The following PLA2G4A variants were observed in gnomAD, a reference collection of about 807,000 sequenced individuals.
PLA2G4A encodes the protein cytosolic phospholipase A2.
PLA2G4A carries 40 observed loss-of-function variants against 81.9 expected under a neutral mutation model. That is an observed-to-expected ratio of 0.49 (90% CI 0.38 to 0.64). PLA2G4A has a LOEUF of 0.64. PLA2G4A is among the 30% of genes least tolerant of loss of function. The pLI, the probability that PLA2G4A is intolerant of heterozygous loss-of-function variation, is 0.00. For synonymous variants in PLA2G4A, 302 were observed against 296.9 expected (o/e 1.02, Z -0.18); for missense variants, 715 against 905.1 (o/e 0.79, Z 2.69).
intron 2 of PLA2G4A, among the ~76,000 whole-genome samples, chr1:186,862,213 T>C (rs922161514): frequency 4.5e-5 from 6 of 134,674 alleles, no homozygotes; most frequent in Non-Finnish European, 6.3e-5. Flanking sequence ...CTGTCTCTTT[T>C]AGTTATGAAC....
At chr1:186,864,049 G>A (rs556623586) in intron 2 of PLA2G4A, among the ~76,000 whole-genome samples, 2 of 152,056 alleles carry the variant, frequency 1.3e-5, no homozygotes, top group South Asian at 4.1e-4. Flanking sequence ...TAAGGCATGA[G>A]CCACCACTCC....
In PLA2G4A at chr1:186,837,651, G is replaced by C. The variant is rs538275575; in HGVS notation, c.-70+8616G>C. 4.5e-3 allele frequency among the ~76,000 whole-genome samples: 655 copies of C among 145,596 alleles called. 1 individual carries two copies. Among genetic ancestry groups the C allele is most frequent in the African/African-American group, 0.016 (629 of 39,206 alleles). On this transcript the variant is annotated intron_variant, in intron 1 of 17. Coordinates refer to ENST00000367466, the MANE Select transcript of PLA2G4A (RefSeq NM_024420.3). Reference sequence around the variant, plus strand: ...ACTTGGAAGGCTGAGGCAGGAGAATGGCGTGAACCCAGGAGGCGGAGCTTG... The same window carrying C: ...ACTTGGAAGGCTGAGGCAGGAGAATCGCGTGAACCCAGGAGGCGGAGCTTG...
intron 2 of PLA2G4A, among the ~76,000 whole-genome samples, chr1:186,864,055 A>G (rs1177042205): frequency 1.3e-5 from 2 of 151,600 alleles, no homozygotes; most frequent in Non-Finnish European, 2.9e-5. Flanking sequence ...ATGAGCCACC[A>G]CTCCTGACCG....
chr1:186,858,614 C>T (rs1416430935), intron 2 of PLA2G4A, among the ~76,000 whole-genome samples: 2 of 152,074 alleles, frequency 1.3e-5, no homozygotes, highest in Non-Finnish European at 2.9e-5. Flanking sequence ...AATCAAACTT[C>T]ATCTGGACAT....
At chr1:186,855,209 G>A (rs923587880) in intron 2 of PLA2G4A, among the ~76,000 whole-genome samples, 1 of 151,812 alleles carries the variant, frequency 6.6e-6, no homozygotes, top group South Asian at 2.1e-4. Flanking sequence ...TCACAAAAAG[G>A]TCTAATTAAT....
At chr1:186,937,042 A>AT (rs967395561) in intron 8 of PLA2G4A, among the ~76,000 whole-genome samples, 31 of 145,606 alleles carry the variant, frequency 2.1e-4, no homozygotes, top group African/African-American at 7.9e-4. Context: ...TTTTTTTTTT[A>AT]TTTTTTGAGA....
At chr1:186,877,233 C>T (rs1204698817) in intron 3 of PLA2G4A, among the ~76,000 whole-genome samples, 3 of 152,038 alleles carry the variant, frequency 2.0e-5, no homozygotes, top group African/African-American at 7.2e-5. Flanking sequence ...ATTACTTCTC[C>T]TGTCTCTGCC....
chr1:186,843,524 C>A (rs1652062019), intron 1 of PLA2G4A, among the ~76,000 whole-genome samples: 1 of 152,096 alleles, frequency 6.6e-6, no homozygotes, highest in South Asian at 2.1e-4. Flanking sequence ...CTGCTCACAG[C>A]TATGGAAGAC....
In PLA2G4A at chr1:186,939,261, A is replaced by G. The variant is rs12720597; in HGVS notation, c.918+31A>G. On this transcript the variant is annotated intron_variant, in intron 9 of 17. Transcript: ENST00000367466. ...TTACAGTTCAATCTACACTGCTTTT[A>G]TAACAAGTAGACAGAACATATTATA... The G allele has an allele frequency of 5.6e-3, 5,302 of 947,026 alleles. 25 individuals are homozygous for G. The highest frequency in any genetic ancestry group is 7.5e-3 in the Non-Finnish European group (4,299 of 572,816). 58.7% of individuals were successfully genotyped at this position (947,026 alleles called of 1,614,324 possible).
At chr1:186,926,799 C>A (rs1035463994) in intron 7 of PLA2G4A, among the ~76,000 whole-genome samples, 1 of 152,300 alleles carries the variant, frequency 6.6e-6, no homozygotes, top group Admixed American at 6.5e-5. Context: ...GGGATAAGTA[C>A]AAATGCTCAT....
Position 186,977,792 on chromosome 1 carries a change from A to C in PLA2G4A, c.1960+4A>C, listed in dbSNP as rs577639985. The C allele has an allele frequency of 1.3e-3, 2,101 of 1,576,284 alleles. 41 individuals are homozygous for C. In the South Asian group the frequency reaches 0.022, roughly 17 times the overall value. On this transcript the variant is annotated splice_donor_region_variant and intron_variant, in intron 16 of 17. Coordinates refer to ENST00000367466, the MANE Select transcript of PLA2G4A (RefSeq NM_024420.3). Reference sequence around the variant, plus strand: ...TTCAGAAAGTACAGGGCTCCAGGTAAGTAGGGAGTAAGCTGTATTCCATAA... The same window carrying C: ...TTCAGAAAGTACAGGGCTCCAGGTACGTAGGGAGTAAGCTGTATTCCATAA...
At chr1:186,849,409 A>T (rs531655197) in intron 1 of PLA2G4A, among the ~76,000 whole-genome samples, 4 of 152,166 alleles carry the variant, frequency 2.6e-5, no homozygotes, top group African/African-American at 7.2e-5. Context: ...ATATACTTTG[A>T]AGGTCACGGA....
At chr1:186,902,766 AC>A (rs1437643485) in intron 5 of PLA2G4A, among the ~76,000 whole-genome samples, 1 of 151,312 alleles carries the variant, frequency 6.6e-6, no homozygotes, top group Non-Finnish European at 1.5e-5. Flanking sequence ...ATTTTCTACT[AC>A]CTACCCAAAT....
chr1:186,957,898 T>G (rs1656810976), intron 14 of PLA2G4A, among the ~76,000 whole-genome samples: 1 of 152,248 alleles, frequency 6.6e-6, no homozygotes, highest in African/African-American at 2.4e-5. Context: ...CCAAATGTCA[T>G]TCCTCAATCA....
intron 1 of PLA2G4A, among the ~76,000 whole-genome samples, chr1:186,847,447 G>A (rs896183318): frequency 2.6e-5 from 4 of 151,708 alleles, no homozygotes; most frequent in Admixed American, 2.6e-4. Context: ...TTCTGGGAGA[G>A]GATTTCCCAC....
chr1:186,882,726 C>G lies in PLA2G4A; in HGVS notation c.116-10285C>G, dbSNP rs1263828398. On this transcript the variant is annotated intron_variant, in intron 3 of 17. Transcript: ENST00000367466. ...AGTTGTGGTTGCATTATAGAAGGTG[C>G]CTTGAGAATAAGCAACTAAGAGATT... Among the ~76,000 whole-genome samples, 4 of 152,090 alleles carry G rather than the reference C, an allele frequency of 2.6e-5. No homozygotes were observed. In the South Asian group the frequency reaches 8.3e-4, roughly 32 times the overall value.
At chr1:186,967,675 T>C (rs1657178601) in intron 15 of PLA2G4A, among the ~76,000 whole-genome samples, 1 of 152,098 alleles carries the variant, frequency 6.6e-6, no homozygotes, top group African/African-American at 2.4e-5. Flanking sequence ...TGGTGCATAC[T>C]GGAGTTAATG....
chr1:186,942,508 C>A (rs1283016751), intron 10 of PLA2G4A, among the ~76,000 whole-genome samples: 1 of 152,062 alleles, frequency 6.6e-6, no homozygotes, highest in Non-Finnish European at 1.5e-5. Context: ...TAAGATTTAT[C>A]TTCCAGAGCT....
At chr1:186,838,090 A>C (rs1389172423) in intron 1 of PLA2G4A, among the ~76,000 whole-genome samples, 1 of 152,152 alleles carries the variant, frequency 6.6e-6, no homozygotes, top group East Asian at 1.9e-4. Flanking sequence ...GAAGGGAATA[A>C]AGTGACTTTT....
Sources: gnomAD v4.1 joint callset for allele counts (sites outside exome capture counted in the v4.1 genomes callset) on GRCh38, gnomAD v4.1.1 for gene constraint, MANE v1.5 for transcripts, NCBI Gene and HGNC (gene_info 2026-07-23, HGNC 2026-07-21) for gene names.